The following CTNNA2 variants were observed in gnomAD, a reference collection of about 807,000 sequenced individuals.
CTNNA2 encodes the protein catenin alpha-2.
In CTNNA2, 42 loss-of-function variants were observed where a neutral mutation model predicts 101.0. The observed-to-expected ratio is 0.42, with a 90% CI of 0.32 to 0.54. The LOEUF (loss-of-function observed/expected upper bound fraction) is 0.54, where lower values mean the gene tolerates loss of function less well. Ranked by LOEUF, CTNNA2 falls within the 20% of genes least tolerant of loss-of-function variation. The pLI is 0.14. For missense variants in CTNNA2, 871 were observed against 1,223.1 expected (o/e 0.71, Z 4.29); for synonymous variants, 450 against 456.4 (o/e 0.99, Z 0.18).
At chr2:79,926,018 A>T (rs1178440102) in intron 7 of CTNNA2, among the ~76,000 whole-genome samples, 1 of 152,162 alleles carries the variant, frequency 6.6e-6, no homozygotes, top group African/African-American at 2.4e-5. Context: ...CTCTTTGCAG[A>T]TAGCAGACCT....
At chr2:80,641,553 C>A (rs1418710298) in intron 18 of CTNNA2, among the ~76,000 whole-genome samples, 2 of 152,088 alleles carry the variant, frequency 1.3e-5, no homozygotes, top group African/African-American at 4.8e-5. Flanking sequence ...GTGTCCCCTA[C>A]TTGTTTTATA....
chr2:79,293,627 G>A (rs1333480661), intron 2 of CTNNA2, among the ~76,000 whole-genome samples: 1 of 152,126 alleles, frequency 6.6e-6, no homozygotes, highest in Non-Finnish European at 1.5e-5. Flanking sequence ...TAGGTCAAAA[G>A]CTAATAGAAT....
At chr2:79,341,275 A>C (rs1201391585) in intron 3 of CTNNA2, among the ~76,000 whole-genome samples, 1 of 152,174 alleles carries the variant, frequency 6.6e-6, no homozygotes, top group African/African-American at 2.4e-5. Flanking sequence ...GAATATAAAA[A>C]TAAGTGAGCA....
intron 3 of CTNNA2, among the ~76,000 whole-genome samples, chr2:79,781,889 CA>C (rs1256387406): frequency 2.6e-5 from 4 of 152,154 alleles, no homozygotes; most frequent in African/African-American, 9.7e-5. Context: ...CCAATTTAAA[CA>C]ATTTAAACTC....
chr2:79,484,723 A>G (rs1671141797), intron 4 of CTNNA2, among the ~76,000 whole-genome samples: 1 of 152,176 alleles, frequency 6.6e-6, no homozygotes, highest in African/African-American at 2.4e-5. Flanking sequence ...TCTCCTAAGC[A>G]TAGTGTAGTC....
intron 7 of CTNNA2, among the ~76,000 whole-genome samples, chr2:80,354,479 G>C (rs1333998615): frequency 6.6e-6 from 1 of 152,140 alleles, no homozygotes; most frequent in African/African-American, 2.4e-5. Flanking sequence ...GCATCTTTAG[G>C]GTGGTGTGGA....
At chr2:79,439,432 T>C (rs903880327) in intron 4 of CTNNA2, among the ~76,000 whole-genome samples, 3 of 152,216 alleles carry the variant, frequency 2.0e-5, no homozygotes, top group Non-Finnish European at 4.4e-5. Context: ...GAATGGTGTC[T>C]GACTGCTGAT....
rs142383750 is a variant in CTNNA2 at position 80,337,750 on chromosome 2, C to T, written c.1057-55461C>T. On this transcript the variant is annotated intron_variant, in intron 7 of 18. Coordinates refer to ENST00000402739, the MANE Select transcript of CTNNA2 (RefSeq NM_001282597.3). ...TGGATTCTCCCTGGGGAATGCGCAC[C>T]CAACAACTGGGAGACACTTCAAGCA... is the stretch of plus-strand genomic sequence containing the variant. Among the ~76,000 whole-genome samples the T allele has an allele frequency of 3.9e-5, 6 of 152,174 alleles. No individual in the cohort carries two copies. The East Asian group carries it at 9.7e-4, about 25-fold the overall frequency.
At chr2:79,388,432 A>G (rs903370045) in intron 4 of CTNNA2, among the ~76,000 whole-genome samples, 1 of 152,270 alleles carries the variant, frequency 6.6e-6, no homozygotes, top group African/African-American at 2.4e-5. Context: ...TCCCAAAAGT[A>G]TAGAACCAGA....
intron 5 of CTNNA2, among the ~76,000 whole-genome samples, chr2:79,873,023 A>G (rs1441837126): frequency 4.6e-5 from 7 of 152,238 alleles, no homozygotes; most frequent in Non-Finnish European, 4.4e-5. Context: ...AAAACAAATC[A>G]TCTTTGGCCT....
chr2:80,477,377 A>C (rs1199347894), intron 9 of CTNNA2, among the ~76,000 whole-genome samples: 1 of 152,296 alleles, frequency 6.6e-6, no homozygotes, highest in Admixed American at 6.5e-5. Flanking sequence ...AAAAATCAAT[A>C]GATTTATGGG....
At chr2:80,196,128 A>G (rs752243500) in intron 7 of CTNNA2, among the ~76,000 whole-genome samples, 2 of 152,148 alleles carry the variant, frequency 1.3e-5, no homozygotes, top group Non-Finnish European at 2.9e-5. Flanking sequence ...TGTAAAATGC[A>G]TGTAATTATA....
intron 9 of CTNNA2, among the ~76,000 whole-genome samples, chr2:80,528,371 T>C (rs1475301409): frequency 6.6e-6 from 1 of 152,116 alleles, no homozygotes; most frequent in East Asian, 1.9e-4. Flanking sequence ...TAATTTTTTG[T>C]ATTTTTAGTA....
rs116480416 is a variant in CTNNA2, at chr2:80,640,600, G to A, written c.2575-6985G>A. Among the ~76,000 whole-genome samples the A allele has an allele frequency of 3.0e-3, 464 of 152,252 alleles. 2 individuals are homozygous for A. Among genetic ancestry groups the A allele is most frequent in the African/African-American group, 0.011 (451 of 41,544 alleles). On this transcript the variant is annotated intron_variant, in intron 18 of 18. Coordinates refer to ENST00000402739, the MANE Select transcript of CTNNA2 (RefSeq NM_001282597.3). ...ATATAGACTCTGGAAAATGTACGCAGGTATTTCAAGATATTTCAAACATGT... is the reference window on the plus strand; with the variant it reads ...ATATAGACTCTGGAAAATGTACGCAAGTATTTCAAGATATTTCAAACATGT...
At chr2:79,578,082 C>T (rs533973841) in intron 1 of CTNNA2, among the ~76,000 whole-genome samples, 3 of 152,226 alleles carry the variant, frequency 2.0e-5, no homozygotes, top group Non-Finnish European at 4.4e-5. Flanking sequence ...GACAGCCCAA[C>T]ATTTGAATGA....
intron 7 of CTNNA2, among the ~76,000 whole-genome samples, chr2:80,204,906 A>G (rs1707438256): frequency 6.6e-6 from 1 of 152,070 alleles, no homozygotes; most frequent in Admixed American, 6.6e-5. Flanking sequence ...GACAAGGAGG[A>G]GCAAGTCACA....
intron 7 of CTNNA2, among the ~76,000 whole-genome samples, chr2:80,001,818 C>A (rs144551383): frequency 1.3e-5 from 2 of 152,144 alleles, no homozygotes; most frequent in Non-Finnish European, 2.9e-5. Context: ...AAGGTGACTC[C>A]CTGTATGATT....
chr2:80,446,862 A>AT (rs1472974862), intron 9 of CTNNA2, among the ~76,000 whole-genome samples: 5 of 152,080 alleles, frequency 3.3e-5, no homozygotes, highest in African/African-American at 7.2e-5. Flanking sequence ...TGAAAATAAA[A>AT]TTTTTTCAGC....
intron 1 of CTNNA2, among the ~76,000 whole-genome samples, chr2:79,522,919 A>T (rs1672198108): frequency 6.6e-6 from 1 of 152,210 alleles, no homozygotes; most frequent in African/African-American, 2.4e-5. Context: ...ATTGTAGAAC[A>T]TCTAGAAAAT....
Sources: allele counts gnomAD v4.1 joint callset (sites outside exome capture counted in the v4.1 genomes callset), GRCh38; gene constraint gnomAD v4.1.1; transcripts MANE v1.5; gene names NCBI Gene and HGNC (gene_info 2026-07-23, HGNC 2026-07-21).